The following HEMK2 variants were observed in gnomAD, a reference collection of about 807,000 sequenced individuals.
HEMK2 encodes methyltransferase HEMK2.
the HEMK2 span, among the ~76,000 whole-genome samples, chr21:28,778,285 T>C: frequency 2.6e-5 from 4 of 152,244 alleles, no homozygotes; most frequent in Non-Finnish European, 4.4e-5. Context: ...AGTTGTCGAA[T>C]GTATGAGTCT....
the HEMK2 span, among the ~76,000 whole-genome samples, chr21:28,744,260 A>G: frequency 1.3e-5 from 2 of 152,168 alleles, no homozygotes; most frequent in Non-Finnish European, 2.9e-5. Context: ...AATATTTTAC[A>G]AAAATAAAAT....
the HEMK2 span, among the ~76,000 whole-genome samples, chr21:28,698,719 C>G: frequency 0.56 from 84,615 of 151,998 alleles, 26,215 homozygotes; most frequent in East Asian, 0.84. Context: ...TTTGAGCAAA[C>G]ATATTTTCAC....
the HEMK2 span, among the ~76,000 whole-genome samples, chr21:28,633,296 GTCTCT>G: frequency 6.6e-6 from 1 of 152,120 alleles, no homozygotes; most frequent in Admixed American, 6.5e-5. Flanking sequence ...GAACAAAGCT[GTCTCT>G]CCCCATGAGC....
At chr21:28,879,543 T>C in the HEMK2 span, among the ~76,000 whole-genome samples, 2 of 152,216 alleles carry the variant, frequency 1.3e-5, no homozygotes, top group African/African-American at 2.4e-5. Flanking sequence ...CTCGGCCAGT[T>C]AAAACCTTTT....
the HEMK2 span, among the ~76,000 whole-genome samples, chr21:28,755,073 G>A: frequency 6.6e-6 from 1 of 152,122 alleles, no homozygotes; most frequent in South Asian, 2.1e-4. Flanking sequence ...AAAGGCAGCA[G>A]CATGGGTGTG....
At chr21:28,761,049 G>A in the HEMK2 span, among the ~76,000 whole-genome samples, 3 of 152,002 alleles carry the variant, frequency 2.0e-5, no homozygotes, top group South Asian at 6.2e-4. Context: ...TTTTATTACT[G>A]TTTTGCTTTG....
At chr21:28,870,182 T>C in the HEMK2 span, among the ~76,000 whole-genome samples, 1 of 151,494 alleles carries the variant, frequency 6.6e-6, no homozygotes, top group Non-Finnish European at 1.5e-5. Context: ...GAGAGTTTTG[T>C]TGTAGACACA....
the HEMK2 span, among the ~76,000 whole-genome samples, chr21:28,678,330 G>C: frequency 6.6e-6 from 1 of 152,136 alleles, no homozygotes; most frequent in Non-Finnish European, 1.5e-5. Context: ...GAAACGAGAA[G>C]AGAAGTTTAG....
chr21:28,860,342 T>G, the HEMK2 span, among the ~76,000 whole-genome samples: 1 of 152,060 alleles, frequency 6.6e-6, no homozygotes, highest in South Asian at 2.1e-4. Context: ...CTCCACGTTC[T>G]TCAGTTTTGG....
At chr21:28,772,071 T>C in the HEMK2 span, among the ~76,000 whole-genome samples, 1 of 152,160 alleles carries the variant, frequency 6.6e-6, no homozygotes, top group Non-Finnish European at 1.5e-5. Flanking sequence ...ATCACACTCA[T>C]ACAGCATGTT....
chr21:28,759,796 G>C, the HEMK2 span, among the ~76,000 whole-genome samples: 11 of 152,226 alleles, frequency 7.2e-5, no homozygotes, highest in African/African-American at 2.6e-4. Flanking sequence ...CACCATGTAG[G>C]ACATGCCTTT....
chr21:28,807,122 A>C, the HEMK2 span, among the ~76,000 whole-genome samples: 2 of 152,178 alleles, frequency 1.3e-5, no homozygotes, highest in Non-Finnish European at 2.9e-5. Flanking sequence ...CATCATTACC[A>C]CTTCCCGAGC....
the HEMK2 span, among the ~76,000 whole-genome samples, chr21:28,748,184 G>A: frequency 1.3e-5 from 2 of 152,184 alleles, no homozygotes; most frequent in Admixed American, 1.3e-4. Flanking sequence ...CTGGGTGACA[G>A]GATCATTCAA....
the HEMK2 span, among the ~76,000 whole-genome samples, chr21:28,851,720 A>G: frequency 6.6e-6 from 1 of 152,206 alleles, no homozygotes; most frequent in Non-Finnish European, 1.5e-5. Flanking sequence ...AATGTCATCA[A>G]TGTAATAGAC....
chr21:28,869,771 T>C, the HEMK2 span, among the ~76,000 whole-genome samples: 1 of 152,202 alleles, frequency 6.6e-6, no homozygotes, highest in Non-Finnish European at 1.5e-5. Flanking sequence ...GATTATAAAA[T>C]GCATAAGCAA....
the HEMK2 span, among the ~76,000 whole-genome samples, chr21:28,636,432 T>C: frequency 6.6e-6 from 1 of 152,140 alleles, no homozygotes; most frequent in South Asian, 2.1e-4. Flanking sequence ...AGACATCTTA[T>C]CACTTTTTAA....
the HEMK2 span, among the ~76,000 whole-genome samples, chr21:28,725,378 G>A: frequency 6.6e-6 from 1 of 152,166 alleles, no homozygotes; most frequent in Non-Finnish European, 1.5e-5. Context: ...TAGGGCAATG[G>A]AGAAAGTGAG....
At chr21:28,789,176 T>A in the HEMK2 span, among the ~76,000 whole-genome samples, 1 of 152,220 alleles carries the variant, frequency 6.6e-6, no homozygotes, top group African/African-American at 2.4e-5. Context: ...AGTAAGTTTT[T>A]AGTGTAAGGA....
chr21:28,586,311 T>C, the HEMK2 span, among the ~76,000 whole-genome samples: 1 of 152,226 alleles, frequency 6.6e-6, no homozygotes, highest in African/African-American at 2.4e-5. Context: ...GAGGAATCCA[T>C]ATCTGTCTTT....
Sources: gnomAD v4.1 joint callset for allele counts (sites outside exome capture counted in the v4.1 genomes callset) on GRCh38, gnomAD v4.1.1 for gene constraint, MANE v1.5 for transcripts, NCBI Gene and HGNC (gene_info 2026-07-23, HGNC 2026-07-21) for gene names.